Variants in RAI14 observed in about 807,000 individuals in gnomAD.
RAI14 encodes the protein retinoic acid induced 14, also known as ankycorbin.
RAI14 carries 45 observed loss-of-function variants against 115.4 expected under a neutral mutation model. The observed-to-expected ratio is 0.39, with a 90% confidence interval of 0.31 to 0.50. The LOEUF is 0.50. Among genes scored for constraint, RAI14 ranks in the 20% least tolerant of loss-of-function variants. The probability of loss-of-function intolerance (pLI) is 0.85; values close to 1 mark genes in which losing one functional copy is unlikely to be tolerated. For synonymous variants in RAI14, 371 were observed against 415.4 expected, an observed-to-expected ratio of 0.89 and a Z score of 1.30; for missense variants, 939 against 1,131.2, an observed-to-expected ratio of 0.83 and a Z score of 2.44.
intron 1 of RAI14, among the ~76,000 whole-genome samples, chr5:34,666,888 A>C (rs547369485): frequency 6.6e-6 from 1 of 152,328 alleles, no homozygotes; most frequent in South Asian, 2.1e-4. Context: ...TCTCTGGATG[A>C]ATGACAAGCC....
In RAI14 at chr5:34,823,149, A is replaced by C. The variant is rs1379992651; in HGVS notation, c.1307A>C (p.Glu436Ala). Residue 436 changes from glutamate (E) to alanine (A), a missense_variant, in exon 15 of 18, where the codon GAG becomes GCG. Transcript: ENST00000265109. This position sits in a 1 kb window ranked among gnomAD's most constrained non-coding sequence, Gnocchi z 4.5. ...GATGTCAGAATTCAGCAACTGCAAG[A>C]GATTTTGCAAGATCTACAGAAGAGA... ...DNDVRIQQLQ[E>A]ILQDLQKRLE... is the part of the protein sequence containing the mutation. 2 of 1,613,042 alleles carry C rather than the reference A, an allele frequency of 1.2e-6. No individual in the cohort carries two copies. Among genetic ancestry groups the C allele is most frequent in the African/African-American group, 2.7e-5 (2 of 74,890 alleles).
intron 9 of RAI14, 54 bp from the exon 10 acceptor site, chr5:34,812,126 G>C: frequency 6.7e-7 from 1 of 1,486,318 alleles, no homozygotes. Context: ...CACCCAAAGT[G>C]AATATGAATC....
intron 17 of RAI14, among the ~76,000 whole-genome samples, chr5:34,830,357 A>G (rs2150319179): frequency 6.6e-6 from 1 of 152,276 alleles, no homozygotes; most frequent in South Asian, 2.1e-4. Flanking sequence ...TTTTCCAGCA[A>G]TGCTGATCTT....
At chr5:34,727,529 A>T (rs1743619323) in intron 2 of RAI14, among the ~76,000 whole-genome samples, 2 of 152,206 alleles carry the variant, frequency 1.3e-5, no homozygotes, top group South Asian at 4.1e-4. Flanking sequence ...TCACAGGTCC[A>T]GAGGCCTAGG....
At chr5:34,829,615 C>T in intron 16 of RAI14, 117 bp from the exon 17 acceptor site, 1 of 699,300 alleles carries the variant, frequency 1.4e-6, no homozygotes, top group Non-Finnish European at 2.4e-6. Context: ...CCAGTGCTAG[C>T]ATAAAGTGGA....
chr5:34,761,726 C>T (rs1748677409), intron 3 of RAI14, among the ~76,000 whole-genome samples: 1 of 152,176 alleles, frequency 6.6e-6, no homozygotes. Context: ...TGGTTCTCTT[C>T]CGCCTTTTTG....
intron 2 of RAI14, among the ~76,000 whole-genome samples, chr5:34,720,264 C>T (rs1742505292): frequency 6.6e-6 from 1 of 152,034 alleles, no homozygotes; most frequent in Non-Finnish European, 1.5e-5. Flanking sequence ...GTATATGTAT[C>T]ATATAGTTTG....
intron 4 of RAI14, 104 bp downstream of exon 4, chr5:34,796,131 C>T (rs1753502975): frequency 3.3e-6 from 3 of 904,100 alleles, no homozygotes; most frequent in Non-Finnish European, 5.4e-6. Context: ...TGTGGTAACT[C>T]ATCCTGTAAT....
At chr5:34,790,947 G>A (rs1316745227) in intron 3 of RAI14, among the ~76,000 whole-genome samples, 1 of 152,012 alleles carries the variant, frequency 6.6e-6, no homozygotes, top group Non-Finnish European at 1.5e-5. Context: ...CAGTGACTCT[G>A]ATAAAATTAA....
intron 3 of RAI14, among the ~76,000 whole-genome samples, chr5:34,764,155 C>A (rs1749045388): frequency 6.6e-6 from 1 of 152,172 alleles, no homozygotes; most frequent in Non-Finnish European, 1.5e-5. Flanking sequence ...CCGGCAATCA[C>A]CCTAAATTAA....
chr5:34,684,027 G>T (rs1159625659), intron 1 of RAI14, among the ~76,000 whole-genome samples: 1 of 152,116 alleles, frequency 6.6e-6, no homozygotes, highest in Non-Finnish European at 1.5e-5. Flanking sequence ...GTGCCCGGCC[G>T]GCGATTTCCA....
intron 1 of RAI14, among the ~76,000 whole-genome samples, chr5:34,678,304 T>G (rs1038003151): frequency 4.6e-5 from 7 of 152,288 alleles, no homozygotes; most frequent in African/African-American, 1.4e-4. Context: ...GATAGTGCCA[T>G]GTTCTGAGTT....
rs34084798 is a variant in RAI14 at position 34,817,272 on chromosome 5, CA to C, written c.940-1508del. On this transcript the variant is annotated intron_variant, in intron 12 of 17. Transcript: ENST00000265109. ...AGTCTGGGCGACAGACACTCCATCT[CA>C]AAAAAAAAAAAAAAAAGAAAAAGTG... is the stretch of plus-strand genomic sequence containing the variant. Among the ~76,000 whole-genome samples the C allele has an allele frequency of 1.8e-3, 178 of 97,136 alleles. 1 individual carries two copies. The highest frequency in any genetic ancestry group is 0.016 in the East Asian group (51 of 3,234). 63.7% of individuals were successfully genotyped at this position (97,136 alleles called of 152,430 possible). A position where few individuals can be genotyped will look rare whatever the true frequency, so the allele number is the denominator to read the frequency against.
At chr5:34,700,588 C>T (rs1306310045) in intron 2 of RAI14, among the ~76,000 whole-genome samples, 1 of 152,154 alleles carries the variant, frequency 6.6e-6, no homozygotes, top group Non-Finnish European at 1.5e-5. Context: ...CCCTGTGGCC[C>T]CTCTCTGTTC....
intron 2 of RAI14, among the ~76,000 whole-genome samples, chr5:34,721,662 T>C (rs534857607): frequency 6.6e-6 from 1 of 152,182 alleles, no homozygotes; most frequent in Non-Finnish European, 1.5e-5. Context: ...AATGATTTCT[T>C]ATTTTCTCTG....
At chr5:34,739,992 G>C (rs1201202503) in intron 2 of RAI14, among the ~76,000 whole-genome samples, 1 of 152,154 alleles carries the variant, frequency 6.6e-6, no homozygotes, top group Non-Finnish European at 1.5e-5. Context: ...GACAGAGGTT[G>C]CAGTGAGCTG....
intron 3 of RAI14, among the ~76,000 whole-genome samples, chr5:34,762,933 G>GTGTGTGTAGATATAAGGAGTGTGTGCA (rs1748855779): frequency 2.5e-5 from 1 of 40,080 alleles, no homozygotes; most frequent in African/African-American, 1.5e-4. Context: ...GTGTGCATGT[G>GTGTGTGTAGATATAAGGAGTGTGTGCA]TGTGTGTGTG....
intron 2 of RAI14, chr5:34,688,168 A>T (rs1377451191): frequency 6.5e-7 from 1 of 1,541,512 alleles, no homozygotes; most frequent in Non-Finnish European, 8.7e-7. Context: ...CTTCCGAGAA[A>T]CCTCCTTCAA....
intron 2 of RAI14, among the ~76,000 whole-genome samples, chr5:34,705,316 A>G (rs1740577894): frequency 6.6e-6 from 1 of 152,194 alleles, no homozygotes; most frequent in Non-Finnish European, 1.5e-5. Context: ...GAAAAAAAGT[A>G]AAATATCCCA....
Sources: allele counts gnomAD v4.1 joint callset (sites outside exome capture counted in the v4.1 genomes callset), GRCh38; gene constraint gnomAD v4.1.1; non-coding constraint Gnocchi (gnomAD v3.1); transcripts MANE v1.5; gene names NCBI Gene and HGNC (gene_info 2026-07-23, HGNC 2026-07-21).